Variants in WDR38 observed in about 807,000 individuals in gnomAD.
WDR38 encodes WD repeat-containing protein 38.
A neutral mutation model predicts 36.6 loss-of-function variants in WDR38; 37 were observed. That is an observed-to-expected ratio of 1.01 (90% CI 0.78 to 1.33). The LOEUF is 1.33. Ranked by LOEUF, WDR38 falls within the 40% of genes most tolerant of loss-of-function variation. WDR38 has a pLI of 0.00. For missense variants in WDR38, 411 were observed against 414.6 expected, an observed-to-expected ratio of 0.99 and a Z score of 0.07; for synonymous variants, 164 against 168.1, an observed-to-expected ratio of 0.98 and a Z score of 0.19.
chr9:124,856,108 C>G (rs1829053780), intron 4 of WDR38, 132 bp from the exon 5 acceptor site: 1 of 1,515,736 alleles, frequency 6.6e-7, no homozygotes. Flanking sequence ...CACCTGGCCA[C>G]AGCCGCCTCT....
At chr9:124,856,384 T>TG in intron 5 of WDR38, 64 bp downstream of exon 5, 1 of 1,613,140 alleles carries the variant, frequency 6.2e-7, no homozygotes, top group Non-Finnish European at 8.5e-7. Context: ...AGCTGAGTGG[T>TG]GGGAAGGGGA....
intron 2 of WDR38, among the ~76,000 whole-genome samples, chr9:124,855,430 A>G (rs1829022886): frequency 6.6e-6 from 1 of 152,104 alleles, no homozygotes; most frequent in Non-Finnish European, 1.5e-5. Flanking sequence ...TTGGGGATTG[A>G]TTTTTCAGAT....
intron 5 of WDR38, 37 bp downstream of exon 5, chr9:124,856,357 G>T: frequency 6.2e-7 from 1 of 1,613,726 alleles, no homozygotes; most frequent in South Asian, 1.1e-5. Flanking sequence ...CACCTCAGTG[G>T]CCCCATACCC....
In WDR38 at chr9:124,856,612, G is replaced by C. The variant is rs1424444115; in HGVS notation, c.618+12G>C. On this transcript the variant is annotated intron_variant, in intron 6 of 8. Transcript: ENST00000373574. ...CATCCGGCCTCCTGGTAAGTGGGGT[G>C]TCCTGGGTTCCAGGCTGGTCCCTTG... The C allele has an allele frequency of 1.4e-5, 22 of 1,613,500 alleles. No individual in the cohort carries two copies. Among genetic ancestry groups the C allele is most frequent in the Non-Finnish European group, 1.9e-5 (22 of 1,179,812 alleles).
chr9:124,856,124 C>T (rs766092625), intron 4 of WDR38, 116 bp from the exon 5 acceptor site: 68 of 1,539,162 alleles, frequency 4.4e-5, no homozygotes, highest in Non-Finnish European at 5.4e-5. Context: ...CCTCTCCAGG[C>T]TTCCTTGCAC....
At position 124,856,395 on chromosome 9, in the gene WDR38, T is replaced by G. The variant is rs914158193; in HGVS notation, c.487-74T>G. 9.9e-6 allele frequency: 16 copies of G among 1,613,082 alleles called. No individual in the cohort carries two copies. The Admixed American group carries it at 2.7e-4, about 27-fold the overall frequency. ...TTGGAGCTGAGTGGTGGGAAGGGGATGGACTCTGGGTCCCGCCTAGATGCA... is the reference window on the plus strand; with the variant it reads ...TTGGAGCTGAGTGGTGGGAAGGGGAGGGACTCTGGGTCCCGCCTAGATGCA... On this transcript the variant is annotated intron_variant, in intron 5 of 8. Transcript: ENST00000373574.
rs77752839 is a variant in WDR38 at position 124,853,605 on chromosome 9, G to A, written c.69+5G>A. 3.5e-3 allele frequency: 4,388 copies of A among 1,270,020 alleles called. 131 individuals carry two copies. In the African/African-American group the frequency reaches 0.059, roughly 17 times the overall value. 78.7% of individuals were successfully genotyped at this position (1,270,020 alleles called of 1,614,324 possible). A position where few individuals can be genotyped will look rare whatever the true frequency, so the allele number is the denominator to read the frequency against. The stretch of plus-strand genomic sequence containing the variant: ...TTCGGCCAGCACGGCGGGGAGGTGA[G>A]GTCCAGCGGGCTCTGCCCAGACTCC... On this transcript the variant is annotated splice_donor_5th_base_variant and intron_variant, in intron 1 of 8. Coordinates refer to ENST00000373574, the MANE Select transcript of WDR38 (RefSeq NM_001045476.3).
intron 4 of WDR38, 78 bp downstream of exon 4, chr9:124,856,036 C>T: frequency 6.3e-7 from 1 of 1,581,554 alleles, no homozygotes; most frequent in South Asian, 1.1e-5. Flanking sequence ...CTTGCCCTCC[C>T]AGCTCAAACC....
chr9:124,855,639 G>C lies in WDR38; in HGVS notation c.196G>C (p.Val66Leu), dbSNP rs377361087. ...LWRLGGHTGPVKFCRFSPDGH... is the reference protein window; with the variant it reads ...LWRLGGHTGPLKFCRFSPDGH... ...GACTGTGGCCACCCGCCCAGGCCCC[G>C]TGAAGTTCTGCCGCTTCTCCCCTGA... Residue 66 changes from valine to leucine, a missense_variant, in exon 3 of 9, where the codon GTG becomes CTG. Physicochemically the swap from Val to Leu is conservative, Grantham distance 32. Coordinates refer to ENST00000373574, the MANE Select transcript of WDR38 (RefSeq NM_001045476.3). 60 of 1,609,586 alleles carry C rather than the reference G, an allele frequency of 3.7e-5. No individual in the cohort carries two copies. Among genetic ancestry groups the C allele is most frequent in the Non-Finnish European group, 4.7e-5 (56 of 1,179,992 alleles).
intron 8 of WDR38, 29 bp from the exon 9 acceptor site, chr9:124,857,473 C>T (rs1740964649): frequency 1.9e-6 from 3 of 1,614,066 alleles, no homozygotes; most frequent in African/African-American, 1.3e-5. Flanking sequence ...GCAGGACTTG[C>T]CTCGAGCCCC....
At chr9:124,854,606 C>T (rs116931092) in intron 2 of WDR38, among the ~76,000 whole-genome samples, 1 of 152,156 alleles carries the variant, frequency 6.6e-6, no homozygotes, top group Non-Finnish European at 1.5e-5. Context: ...GACAGAGTCG[C>T]TCTCTGTCAC....
At chr9:124,856,904 G>T in intron 7 of WDR38, 23 bp downstream of exon 7, 11 of 1,612,470 alleles carry the variant, frequency 6.8e-6, no homozygotes, top group Non-Finnish European at 9.3e-6. Context: ...GGCCCATCCT[G>T]CTCCTACCTA....
chr9:124,853,562 G>C lies in WDR38; in HGVS notation c.31G>C (p.Val11Leu). The C allele has an allele frequency of 8.0e-7, 1 of 1,255,882 alleles. No homozygotes were observed. The allele number at this position is 1,255,882 out of a possible 1,614,324, so 77.8% of individuals were successfully genotyped here. The change falls in exon 1 of 9, where the codon GTG becomes CTG. Residue 11 changes from valine to leucine, a missense_variant. Transcript: ENST00000373574. Reference sequence around the variant, plus strand: ...CAGCGGGGTCCCGGCCACGCTGGCCGTGCGGAGAGTGAAATTCTTCGGCCA... The same window carrying C: ...CAGCGGGGTCCCGGCCACGCTGGCCCTGCGGAGAGTGAAATTCTTCGGCCA... MNSGVPATLA[V>L]RRVKFFGQHG...
At chr9:124,855,475 C>A (rs35176761) in intron 2 of WDR38, among the ~76,000 whole-genome samples, 159 bp from the exon 3 acceptor site, 40,808 of 152,102 alleles carry the variant, frequency 0.27, 7,037 homozygotes, top group Non-Finnish European at 0.38. Context: ...GGCTGACAGC[C>A]CAGCCCAGGC....
intron 2 of WDR38, 90 bp from the exon 3 acceptor site, chr9:124,855,544 C>A: frequency 7.5e-7 from 1 of 1,329,446 alleles, no homozygotes; most frequent in Non-Finnish European, 1.0e-6. Flanking sequence ...GGGAGGCTGG[C>A]GACGAGGCTG....
chr9:124,854,728 TA>T (rs1334752191), intron 2 of WDR38, among the ~76,000 whole-genome samples: 6 of 152,236 alleles, frequency 3.9e-5, no homozygotes, highest in Non-Finnish European at 8.8e-5. Flanking sequence ...CACACCCAGC[TA>T]ATTTTTTTGT....
At chr9:124,854,356 G>A (rs377542648) in intron 2 of WDR38, 31 bp downstream of exon 2, 28 of 1,611,114 alleles carry the variant, frequency 1.7e-5, no homozygotes, top group East Asian at 1.6e-4. Context: ...CGGGAAGACC[G>A]AGGCACAAGG....
chr9:124,856,503 G>C lies in WDR38; in HGVS notation c.521G>C (p.Trp174Ser). ...TGSWDSTVHIWDLRMVTPAVS... is the reference protein window; with the variant it reads ...TGSWDSTVHISDLRMVTPAVS... ...TCCTGGGACTCCACCGTACACATCT[G>C]GGACCTGCGGATGGTGACCCCAGCA... Residue 174 changes from tryptophan (W) to serine (S), a missense_variant, in exon 6 of 9, where the codon TGG (tryptophan) becomes TCG (serine). Trp to Ser is a radical substitution (Grantham distance 177). Coordinates refer to ENST00000373574, the MANE Select transcript of WDR38 (RefSeq NM_001045476.3). 6.2e-7 allele frequency: 1 copy of C among 1,612,442 alleles called. No individual in the cohort carries two copies. The highest frequency in any genetic ancestry group is 8.5e-7 in the Non-Finnish European group (1 of 1,179,260).
rs373383079 is a variant in WDR38 at position 124,857,678 on chromosome 9, C to A, written c.*48C>A. ...CGACCTCACCCGCTCCCCTCAGTGGCGCACAGGCATGCCGCTTCTCCCCAC... is the reference window on the plus strand; with the variant it reads ...CGACCTCACCCGCTCCCCTCAGTGGAGCACAGGCATGCCGCTTCTCCCCAC... On this transcript the variant is annotated 3_prime_UTR_variant, in exon 9 of 9. Transcript: ENST00000373574. The A allele has an allele frequency of 6.2e-7, 1 of 1,609,584 alleles. No individual in the cohort carries two copies. The highest frequency in any genetic ancestry group is 8.5e-7 in the Non-Finnish European group (1 of 1,179,214).
Sources: allele counts gnomAD v4.1 joint callset (sites outside exome capture counted in the v4.1 genomes callset), GRCh38; gene constraint gnomAD v4.1.1; transcripts MANE v1.5; gene names NCBI Gene and HGNC (gene_info 2026-07-23, HGNC 2026-07-21).